The following RAD51B variants were observed in gnomAD, a reference collection of about 807,000 sequenced individuals.
RAD51B encodes DNA repair protein RAD51 homolog 2.
A neutral mutation model predicts 42.2 loss-of-function variants in RAD51B; 38 were observed. The observed-to-expected ratio is 0.90, with a 90% confidence interval of 0.70 to 1.18. The LOEUF is 1.18. Among genes scored for constraint, RAD51B ranks in the 50% most tolerant of loss-of-function variants. The pLI, the probability that RAD51B is intolerant of heterozygous loss-of-function variation, is 0.00. For missense variants in RAD51B, 373 were observed against 400.7 expected, an observed-to-expected ratio of 0.93 and a Z score of 0.59; for synonymous variants, 154 against 145.2, an observed-to-expected ratio of 1.06 and a Z score of -0.43.
chr14:67,886,112 G>C, intron 6 of RAD51B, 124 bp downstream of exon 6: 1 of 769,412 alleles, frequency 1.3e-6, no homozygotes, highest in Non-Finnish European at 1.9e-6. Flanking sequence ...AACTTTTTCA[G>C]TGTTCTTCTT....
chr14:68,060,316 A>T (rs1435741815), intron 7 of RAD51B, among the ~76,000 whole-genome samples: 3 of 152,244 alleles, frequency 2.0e-5, no homozygotes, highest in Admixed American at 1.3e-4. Flanking sequence ...TTTCTGCTAT[A>T]CTTGGTATAG....
chr14:68,607,960 CAAGAA>C (rs1260488576), intron 10 of RAD51B, among the ~76,000 whole-genome samples: 1 of 152,210 alleles, frequency 6.6e-6, no homozygotes, highest in Non-Finnish European at 1.5e-5. Flanking sequence ...GGGAAGGAAT[CAAGAA>C]AAGAAGGTTC....
At chr14:68,214,296 C>G (rs2079770078) in intron 7 of RAD51B, among the ~76,000 whole-genome samples, 1 of 152,144 alleles carries the variant, frequency 6.6e-6, no homozygotes, top group South Asian at 2.1e-4. Flanking sequence ...AAATGTTACT[C>G]TAGCAGGAGG....
intron 7 of RAD51B, among the ~76,000 whole-genome samples, chr14:67,979,876 A>G (rs1024289505): frequency 5.3e-5 from 8 of 152,220 alleles, no homozygotes; most frequent in African/African-American, 1.9e-4. Context: ...GCAAGTTTAA[A>G]ATGGTGGCTG....
At chr14:68,470,548 A>AT (rs2086096249) in intron 10 of RAD51B, 1 of 499,678 alleles carries the variant, frequency 2.0e-6, no homozygotes, top group African/African-American at 1.9e-5. Flanking sequence ...ATTAACCTTG[A>AT]TTCAAGACTT....
At chr14:68,149,920 G>T (rs184785868) in intron 7 of RAD51B, 221 of 152,164 alleles carry the variant, frequency 1.5e-3, no homozygotes, top group African/African-American at 5.1e-3. Context: ...GATTACTGTA[G>T]CTTTATAGTA....
rs531128818 is a variant in RAD51B at position 67,855,379 on chromosome 14, C to T, written c.316-9624C>T. ...CCCAGCAGCTGGGATTACAGGTGCC[C>T]GCCACCACGCTTGGCTAATTTTTTT... On this transcript the variant is annotated intron_variant, in intron 4 of 10. Coordinates refer to ENST00000471583, the MANE Select transcript of RAD51B (RefSeq NM_133510.4). Among the ~76,000 whole-genome samples, 925 of 150,144 alleles carry T rather than the reference C, an allele frequency of 6.2e-3. 6 individuals carry two copies. Among genetic ancestry groups the T allele is most frequent in the Non-Finnish European group, 9.6e-3 (648 of 67,564 alleles).
chr14:68,190,170 T>C (rs1298867239), intron 7 of RAD51B, among the ~76,000 whole-genome samples: 1 of 141,098 alleles, frequency 7.1e-6, no homozygotes, highest in Non-Finnish European at 1.5e-5. Flanking sequence ...CTCGGAGTAA[T>C]TTGATTCAAC....
chr14:68,356,639 G>C (rs963332848), intron 8 of RAD51B, among the ~76,000 whole-genome samples: 1 of 152,066 alleles, frequency 6.6e-6, no homozygotes, highest in African/African-American at 2.4e-5. Context: ...GTTGCTGACT[G>C]TTCAGGGGGT....
chr14:68,602,899 C>A (rs181696725), intron 10 of RAD51B, among the ~76,000 whole-genome samples: 13 of 152,280 alleles, frequency 8.5e-5, no homozygotes, highest in South Asian at 2.1e-4. Flanking sequence ...TTGCTCTCAC[C>A]ACAATGCTTC....
chr14:68,088,755 A>G (rs76021770), intron 7 of RAD51B, among the ~76,000 whole-genome samples: 2,622 of 152,096 alleles, frequency 0.017, 38 homozygotes, highest in East Asian at 0.086. Flanking sequence ...TTTTTCCTGC[A>G]TGAGAGAAGC....
chr14:68,144,463 G>T (rs2078208799), intron 7 of RAD51B, among the ~76,000 whole-genome samples: 1 of 152,204 alleles, frequency 6.6e-6, no homozygotes, highest in Non-Finnish European at 1.5e-5. Context: ...CGCTTGCACA[G>T]ACTGACTTTG....
intron 8 of RAD51B, among the ~76,000 whole-genome samples, chr14:68,381,799 C>T (rs1303735631): frequency 6.6e-6 from 1 of 152,114 alleles, no homozygotes; most frequent in Non-Finnish European, 1.5e-5. Flanking sequence ...TGAAAATCAC[C>T]AATTGAGTCT....
At chr14:68,180,615 GCT>G (rs2079044622) in intron 7 of RAD51B, among the ~76,000 whole-genome samples, 3 of 152,294 alleles carry the variant, frequency 2.0e-5, no homozygotes, top group African/African-American at 7.2e-5. Context: ...GCAAAAAGAG[GCT>G]AAGTAACTTT....
intron 10 of RAD51B, among the ~76,000 whole-genome samples, chr14:68,494,915 A>G (rs1299820345): frequency 2.0e-5 from 3 of 152,134 alleles, no homozygotes; most frequent in African/African-American, 7.2e-5. Flanking sequence ...GGGTGCAACC[A>G]GTGGGTCTTC....
intron 8 of RAD51B, among the ~76,000 whole-genome samples, chr14:68,341,719 T>G (rs1042800837): frequency 4.6e-5 from 7 of 152,176 alleles, no homozygotes; most frequent in Admixed American, 2.6e-4. Context: ...AGGTCTTTTT[T>G]CTCTCCAACT....
At chr14:67,937,161 C>T (rs545622105) in intron 7 of RAD51B, among the ~76,000 whole-genome samples, 54 of 152,192 alleles carry the variant, frequency 3.5e-4, no homozygotes, top group Middle Eastern at 3.4e-3. Context: ...TAACAGTTGT[C>T]TTTTATTGAA....
intron 10 of RAD51B, among the ~76,000 whole-genome samples, chr14:68,649,619 C>A (rs912152779): frequency 1.3e-5 from 2 of 152,200 alleles, no homozygotes; most frequent in African/African-American, 4.8e-5. Context: ...CAAGCCACAT[C>A]AATAATTGGT....
At chr14:68,629,222 C>T (rs575104537) in intron 10 of RAD51B, among the ~76,000 whole-genome samples, 2 of 152,296 alleles carry the variant, frequency 1.3e-5, no homozygotes, top group South Asian at 4.1e-4. Flanking sequence ...GAAGCTGCCC[C>T]GCCTCTTCCC....
Sources: gnomAD v4.1 joint callset for allele counts (sites outside exome capture counted in the v4.1 genomes callset) on GRCh38, gnomAD v4.1.1 for gene constraint, MANE v1.5 for transcripts, NCBI Gene and HGNC (gene_info 2026-07-23, HGNC 2026-07-21) for gene names.